The following PTPN23 variants were observed in gnomAD, a reference collection of about 807,000 sequenced individuals.
PTPN23 encodes the protein protein tyrosine phosphatase non-receptor type 23.
A neutral mutation model predicts 156.3 loss-of-function variants in PTPN23; 72 were observed. The ratio of observed to expected loss-of-function variants is 0.46; its 90% CI spans 0.38 to 0.56. The LOEUF is 0.56. Among genes scored for constraint, PTPN23 ranks in the 20% least tolerant of loss-of-function variants. The probability of loss-of-function intolerance (pLI) is 0.00; values close to 1 mark genes in which losing one functional copy is unlikely to be tolerated. For missense variants in PTPN23, 1,974 were observed against 2,171.5 expected (o/e 0.91, Z 1.81); for synonymous variants, 957 against 899.6 (o/e 1.06, Z -1.14).
intron 2 of PTPN23, among the ~76,000 whole-genome samples, chr3:47,400,471 T>C (rs1704970438): frequency 6.6e-6 from 1 of 152,238 alleles, no homozygotes; most frequent in Admixed American, 6.5e-5. Context: ...GCTGCATTCT[T>C]GGGTGGATTA....
In PTPN23 at chr3:47,409,721, G is replaced by C. The variant is rs140319285; in HGVS notation, c.2016G>C (p.Ser672=). 6.2e-5 allele frequency: 100 copies of C among 1,607,140 alleles called. No individual in the cohort carries two copies. Among genetic ancestry groups the C allele is most frequent in the Non-Finnish European group, 7.8e-5 (92 of 1,179,742 alleles). Residue 672 remains serine (S), a synonymous_variant, in exon 19 of 25, where the codon TCG becomes TCC. Coordinates refer to ENST00000265562, the MANE Select transcript of PTPN23 (RefSeq NM_015466.4). ...YEAYEDLMKK[S]QEGRDFYADL... The stretch of plus-strand genomic sequence containing the variant: ...CCTATGAGGACCTGATGAAGAAGTC[G>C]CAGGAGGGCAGGGACTTCTACGCAG...
At chr3:47,390,956 A>G (rs1376995352) in intron 1 of PTPN23, among the ~76,000 whole-genome samples, 3 of 152,106 alleles carry the variant, frequency 2.0e-5, no homozygotes, top group Non-Finnish European at 4.4e-5. Flanking sequence ...CTATAAAATA[A>G]AAAAAAGTTT....
chr3:47,400,605 C>T (rs574852675), intron 2 of PTPN23, among the ~76,000 whole-genome samples: 1 of 152,220 alleles, frequency 6.6e-6, no homozygotes, highest in East Asian at 1.9e-4. Context: ...CAGAGTTTCA[C>T]TCCTATTGCC....
chr3:47,408,254 TTGAG>T, intron 14 of PTPN23, 87 bp from the exon 15 acceptor site: 7 of 1,530,294 alleles, frequency 4.6e-6, no homozygotes, highest in Non-Finnish European at 6.2e-6. Flanking sequence ...AGACCTCAGA[TTGAG>T]TGGTGAGGCT....
In PTPN23 at chr3:47,411,895, T is replaced by C; in HGVS notation, c.4001T>C (p.Leu1334Pro). The change falls in exon 21 of 25, where the codon CTG becomes CCG. Residue 1334 changes from leucine to proline, a missense_variant. By Grantham distance (98) the Leu-to-Pro change is moderately conservative (BLOSUM62 -3). This residue lies in a region of PTPN23 where 484 missense variants were observed against 516.0 expected (regional missense o/e 0.94). Coordinates refer to ENST00000265562, the MANE Select transcript of PTPN23 (RefSeq NM_015466.4). This position sits in a 1 kb window ranked among gnomAD's most constrained non-coding sequence, Gnocchi z 6.3. Reference protein sequence around the residue: ...RSTETHVERVLSLQFRDQSLK... With the variant: ...RSTETHVERVPSLQFRDQSLK... Reference sequence around the variant, plus strand: ...ACCGAAACCCATGTGGAGCGCGTGCTGAGCCTGCAGTTCCGAGACCAGAGC... The same window carrying C: ...ACCGAAACCCATGTGGAGCGCGTGCCGAGCCTGCAGTTCCGAGACCAGAGC... 1 of 1,613,468 alleles carries C rather than the reference T, an allele frequency of 6.2e-7. No individual in the cohort carries two copies. Among genetic ancestry groups the C allele is most frequent in the Non-Finnish European group, 8.5e-7 (1 of 1,180,028 alleles).
Position 47,411,498 on chromosome 3 carries a change from G to A in PTPN23, c.3700G>A (p.Val1234Met). Reference protein sequence around the residue: ...QDVMPYDSNRVVLRSGKDDYI... With the variant: ...QDVMPYDSNRMVLRSGKDDYI... Reference sequence around the variant, plus strand: ...TGTCATGCCCTATGACAGTAACCGTGTGGTGCTGCGCTCAGGCAAGGATGA... The same window carrying A: ...TGTCATGCCCTATGACAGTAACCGTATGGTGCTGCGCTCAGGCAAGGATGA... The change falls in exon 20 of 25, where the codon GTG (valine) becomes ATG (methionine). Residue 1234 changes from valine to methionine, a missense_variant. By Grantham distance (21) the Val-to-Met change is conservative (BLOSUM62 1). Around this residue, in one of 4 missense-constraint regions of PTPN23, gnomAD observed 33 missense variants for 56.9 expected, o/e 0.58. Coordinates refer to ENST00000265562, the MANE Select transcript of PTPN23 (RefSeq NM_015466.4). This position sits in a 1 kb window ranked among gnomAD's most constrained non-coding sequence, Gnocchi z 6.3. The A allele has an allele frequency of 6.2e-7, 1 of 1,613,126 alleles. No homozygotes were observed. The highest frequency in any genetic ancestry group is 1.1e-5 in the South Asian group (1 of 91,080).
At chr3:47,386,573 A>G (rs892213419) in intron 1 of PTPN23, among the ~76,000 whole-genome samples, 1 of 152,030 alleles carries the variant, frequency 6.6e-6, no homozygotes, top group Non-Finnish European at 1.5e-5. Flanking sequence ...CAGATTTTCC[A>G]TGGGATGGCT....
Position 47,410,959 on chromosome 3 carries a change from C to T in PTPN23, c.3161C>T (p.Ala1054Val), listed in dbSNP as rs1299949299. The change falls in exon 20 of 25, where the codon GCC becomes GTC. Residue 1054 changes from alanine (A) to valine (V), a missense_variant. Ala to Val is a moderately conservative substitution (Grantham distance 64). Coordinates refer to ENST00000265562, the MANE Select transcript of PTPN23 (RefSeq NM_015466.4). ...CATCCCCCACTGGCATATGGTCCTG[C>T]CCCTTCTACCAGACCCATGGGCCCC... ...PPHPPLAYGP[A>V]PSTRPMGPQA... 2.5e-6 allele frequency: 4 copies of T among 1,607,536 alleles called. No homozygotes were observed.
Position 47,410,711 on chromosome 3 carries a change from C to A in PTPN23, c.2913C>A (p.Pro971=), listed in dbSNP as rs1234097642. The A allele has an allele frequency of 6.3e-7, 1 of 1,590,504 alleles. No homozygotes were observed. Among genetic ancestry groups the A allele is most frequent in the African/African-American group, 1.3e-5 (1 of 74,290 alleles). ...CTTCACAAGCGTTTGGGCCTCAGCCCCCACAGCAGCCCCTTCCACTCCAGC... is the reference window on the plus strand; with the variant it reads ...CTTCACAAGCGTTTGGGCCTCAGCCACCACAGCAGCCCCTTCCACTCCAGC... ...PHPSQAFGPQ[P]PQQPLPLQHP... The change falls in exon 20 of 25, where the codon CCC becomes CCA. Residue 971 remains proline, a synonymous_variant. Transcript: ENST00000265562.
chr3:47,390,072 C>CAAAA (rs891612283), intron 1 of PTPN23, among the ~76,000 whole-genome samples: 2 of 49,354 alleles, frequency 4.1e-5, no homozygotes, highest in African/African-American at 7.4e-5. Context: ...GACTCCGTCT[C>CAAAA]AAAAAAAAAA....
intron 1 of PTPN23, among the ~76,000 whole-genome samples, chr3:47,394,404 A>G (rs1361376396): frequency 2.0e-5 from 3 of 152,202 alleles, no homozygotes; most frequent in Non-Finnish European, 2.9e-5. Flanking sequence ...AGTAGGGACA[A>G]TGTAGATAGG....
chr3:47,408,808 T>C lies in PTPN23; in HGVS notation c.1363T>C (p.Ser455Pro), dbSNP rs1327147011. ...LSGVFTDVEA[S>P]LKDIRDLLEE... ...AGGTGTGTTCACGGATGTGGAGGCT[T>C]CCCTGAAGGACATCAGAGATCTGTT... The change falls in exon 16 of 25, where the codon TCC (serine) becomes CCC (proline). Residue 455 changes from serine (S) to proline (P), a missense_variant. Transcript: ENST00000265562. 2.5e-6 allele frequency: 4 copies of C among 1,608,544 alleles called. No individual in the cohort carries two copies. Among genetic ancestry groups the C allele is most frequent in the African/African-American group, 2.7e-5 (2 of 74,890 alleles).
In PTPN23 at chr3:47,403,117, T is replaced by C. The variant is rs528485983; in HGVS notation, c.160-1535T>C. ...CCAGGCTGGAGTGCAGTGGCGCGAT[T>C]TCGGCTCACTGCAGGCTCCGCCCCC... On this transcript the variant is annotated intron_variant, in intron 2 of 24. Transcript: ENST00000265562. 1.2e-4 allele frequency among the ~76,000 whole-genome samples: 18 copies of C among 151,864 alleles called. No homozygotes were observed. The East Asian group carries it at 2.9e-3, about 25-fold the overall frequency.
intron 2 of PTPN23, among the ~76,000 whole-genome samples, chr3:47,402,822 A>G (rs1256839874): frequency 2.6e-5 from 4 of 151,692 alleles, no homozygotes; most frequent in Non-Finnish European, 5.9e-5. Flanking sequence ...TCTCTTGCCT[A>G]AGCCTCCCGA....
intron 1 of PTPN23, among the ~76,000 whole-genome samples, chr3:47,393,053 C>T (rs948733051): frequency 6.6e-6 from 1 of 152,158 alleles, no homozygotes; most frequent in Admixed American, 6.5e-5. Context: ...CCAGTCTGGC[C>T]TTGAACTCTT....
intron 1 of PTPN23, among the ~76,000 whole-genome samples, chr3:47,389,103 C>T (rs998331786): frequency 6.6e-6 from 1 of 152,112 alleles, no homozygotes; most frequent in African/African-American, 2.4e-5. Flanking sequence ...TCCATGAATT[C>T]AGTGGTTTTA....
chr3:47,389,862 AAGG>A (rs1465910219), intron 1 of PTPN23, among the ~76,000 whole-genome samples: 9 of 144,932 alleles, frequency 6.2e-5, no homozygotes, highest in African/African-American at 2.4e-4. Flanking sequence ...AAAAAAAAAA[AAGG>A]AGTTCGAGAT....
rs1308076497 is a variant in PTPN23 at position 47,411,092 on chromosome 3, C to T, written c.3294C>T (p.Pro1098=). The T allele has an allele frequency of 2.5e-6, 4 of 1,594,966 alleles. No individual in the cohort carries two copies. In the East Asian group the frequency reaches 6.8e-5, roughly 27 times the overall value. The change falls in exon 20 of 25, where the codon CCC becomes CCT. Residue 1098 remains proline (P), a synonymous_variant. Transcript: ENST00000265562. The surrounding 1 kb of genome is among the most constrained non-coding windows in gnomAD (Gnocchi z 6.3). ...PAPSPGPGPV[P]PRPPAAEPPP... is the part of the protein sequence containing the mutation. ...CATCTCCAGGGCCTGGTCCGGTACC[C>T]CCTCGCCCCCCAGCAGCAGAACCAC... is the stretch of plus-strand genomic sequence containing the variant.
chr3:47,385,503 C>T (rs1704634593), intron 1 of PTPN23, among the ~76,000 whole-genome samples: 1 of 151,962 alleles, frequency 6.6e-6, no homozygotes, highest in South Asian at 2.1e-4. Flanking sequence ...ATGATGAAAC[C>T]CCATCTCTAC....
Sources: allele counts gnomAD v4.1 joint callset (sites outside exome capture counted in the v4.1 genomes callset), GRCh38; gene constraint gnomAD v4.1.1; regional missense constraint gnomAD v4.1.1; non-coding constraint Gnocchi (gnomAD v3.1); transcripts MANE v1.5; gene names NCBI Gene and HGNC (gene_info 2026-07-23, HGNC 2026-07-21).